Variants in PADI1 observed in about 807,000 individuals in gnomAD.
PADI1 encodes peptidyl arginine deiminase 1, also known as protein-arginine deiminase type-1.
A neutral mutation model predicts 74.8 loss-of-function variants in PADI1; 65 were observed. The observed-to-expected ratio is 0.87, with a 90% confidence interval of 0.71 to 1.07. The LOEUF (loss-of-function observed/expected upper bound fraction) is 1.07. Ranked by LOEUF, PADI1 falls within the 50% of genes least tolerant of loss-of-function variation. PADI1 has a pLI of 0.00. For synonymous variants in PADI1, 371 were observed against 336.2 expected, an observed-to-expected ratio of 1.10 and a Z score of -1.13; for missense variants, 943 against 854.0, an observed-to-expected ratio of 1.10 and a Z score of -1.30.
Position 17,237,478 on chromosome 1 carries a change from G to T in PADI1, c.1458+20G>T. 5 of 1,591,818 alleles carry T rather than the reference G, an allele frequency of 3.1e-6. No homozygotes were observed. The highest frequency in any genetic ancestry group is 4.3e-6 in the Non-Finnish European group (5 of 1,168,344). ...CAAAAGGTGCGTCCCCTCCTTCCCT[G>T]CCTGAGCCACCTCTGCCCTTGTCTG... On this transcript the variant is annotated intron_variant, in intron 12 of 15. Coordinates refer to ENST00000375471, the MANE Select transcript of PADI1 (RefSeq NM_013358.3).
At chr1:17,237,154 G>A (rs986690227) in intron 11 of PADI1, among the ~76,000 whole-genome samples, 160 bp from the exon 12 acceptor site, 1 of 152,246 alleles carries the variant, frequency 6.6e-6, no homozygotes, top group Non-Finnish European at 1.5e-5. Flanking sequence ...CAAATGCACA[G>A]TCCATTCTCT....
In PADI1 at chr1:17,237,416, T is replaced by A. The variant is rs537948319; in HGVS notation, c.1416T>A (p.His472Gln). Residue 472 changes from histidine to glutamine, a missense_variant, in exon 12 of 16, where the codon CAT becomes CAA. Coordinates refer to ENST00000375471, the MANE Select transcript of PADI1 (RefSeq NM_013358.3). ...ACTCGGACTGGCTCTCTGTGGGCCATGTGGACGAGTTTCTGACCTTTGTGC... is the reference window on the plus strand; with the variant it reads ...ACTCGGACTGGCTCTCTGTGGGCCAAGTGGACGAGTTTCTGACCTTTGTGC... ...ELYSDWLSVG[H>Q]VDEFLTFVPT... The A allele has an allele frequency of 8.1e-6, 13 of 1,613,560 alleles. No individual in the cohort carries two copies. In the South Asian group the frequency reaches 1.3e-4, roughly 16 times the overall value.
intron 12 of PADI1, 105 bp from the exon 13 acceptor site, chr1:17,238,511 G>A (rs1373052069): frequency 8.5e-6 from 4 of 471,954 alleles, no homozygotes; most frequent in Admixed American, 4.2e-5. Context: ...GAGTGGGAGA[G>A]GGGAGTCCCA....
chr1:17,232,777 C>A, intron 10 of PADI1, 42 bp from the exon 11 acceptor site: 1 of 1,582,086 alleles, frequency 6.3e-7, no homozygotes, highest in Non-Finnish European at 8.6e-7. Context: ...TCCTCACTGA[C>A]CTCTCCTTCT....
At chr1:17,206,396 G>A (rs1037312046) in intron 1 of PADI1, among the ~76,000 whole-genome samples, 8 of 152,092 alleles carry the variant, frequency 5.3e-5, no homozygotes, top group Admixed American at 1.3e-4. Flanking sequence ...TGGCAGGGCT[G>A]GGGAGGAAAA....
chr1:17,219,371 G>T (rs1396802637), intron 1 of PADI1, among the ~76,000 whole-genome samples: 1 of 152,172 alleles, frequency 6.6e-6, no homozygotes, highest in Non-Finnish European at 1.5e-5. Flanking sequence ...CTGAAGGTTT[G>T]GTTGCACTGG....
intron 15 of PADI1, among the ~76,000 whole-genome samples, chr1:17,241,457 TG>T: frequency 6.6e-6 from 1 of 152,066 alleles, no homozygotes; most frequent in African/African-American, 2.4e-5. Flanking sequence ...AGCCGAGGGT[TG>T]GAAGTGAATG....
Position 17,226,112 on chromosome 1 carries a change from C to G in PADI1, c.606C>G (p.Asn202Lys), listed in dbSNP as rs1319925876. 1 of 1,614,218 alleles carries G rather than the reference C, an allele frequency of 6.2e-7. No homozygotes were observed. Among genetic ancestry groups the G allele is most frequent in the Admixed American group, 1.7e-5 (1 of 60,022 alleles). The change falls in exon 6 of 16, where the codon AAC becomes AAG. Residue 202 changes from asparagine (N) to lysine (K), a missense_variant. Physicochemically the swap from Asn to Lys is moderately conservative, Grantham distance 94. Coordinates refer to ENST00000375471, the MANE Select transcript of PADI1 (RefSeq NM_013358.3). ...TCGACAGCCACAAGCTTGTCTTGAA[C>G]GTGCCCTTTTCTGATTCCAAAAGAG... Reference protein sequence around the residue: ...KLFDSHKLVLNVPFSDSKRVR... With the variant: ...KLFDSHKLVLKVPFSDSKRVR...
At chr1:17,227,008 G>GGTGAGTGAGT (rs2072334590) in intron 6 of PADI1, among the ~76,000 whole-genome samples, 4 of 151,526 alleles carry the variant, frequency 2.6e-5, no homozygotes, top group African/African-American at 9.7e-5. Context: ...CTCCAGCCTG[G>GGTGAGTGAGT]GCGACAGAGT....
Position 17,230,643 on chromosome 1 carries a change from C to T in PADI1, c.1125C>T (p.Asn375=), listed in dbSNP as rs781426993. ...CCGTGGTCTTTGACTCCCCCAGGAA[C>T]AGGGGCCTGAAAGATTTCCCCTATA... ...SFPVVFDSPR[N]RGLKDFPYKR... The change falls in exon 10 of 16, where the codon AAC becomes AAT. Residue 375 remains asparagine (N), a synonymous_variant. Coordinates refer to ENST00000375471, the MANE Select transcript of PADI1 (RefSeq NM_013358.3). 6 of 1,611,414 alleles carry T rather than the reference C, an allele frequency of 3.7e-6. No homozygotes were observed. The highest frequency in any genetic ancestry group is 3.3e-4 in the Middle Eastern group (2 of 6,080).
intron 1 of PADI1, among the ~76,000 whole-genome samples, chr1:17,216,877 A>G (rs1373521144): frequency 1.3e-5 from 2 of 152,134 alleles, no homozygotes; most frequent in Non-Finnish European, 1.5e-5. Context: ...CTCAAAAAAT[A>G]AAAAATAAAT....
chr1:17,240,448 C>T, intron 14 of PADI1, 187 bp from the exon 15 acceptor site: 1 of 577,134 alleles, frequency 1.7e-6, no homozygotes, highest in Non-Finnish European at 3.0e-6. Flanking sequence ...TAGCCTTGTG[C>T]ACTTGAGCAG....
At chr1:17,215,393 A>G (rs893696291) in intron 1 of PADI1, among the ~76,000 whole-genome samples, 18 of 130,144 alleles carry the variant, frequency 1.4e-4, no homozygotes, top group Non-Finnish European at 2.2e-4. Context: ...CATCATCATC[A>G]TCGTCATCAT....
chr1:17,243,847 A>G (rs778645034), intron 15 of PADI1, among the ~76,000 whole-genome samples, 163 bp from the exon 16 acceptor site: 1 of 152,074 alleles, frequency 6.6e-6, no homozygotes. Context: ...CTCTGCTTTC[A>G]TAGGCCCTAA....
intron 8 of PADI1, 130 bp from the exon 9 acceptor site, chr1:17,229,955 C>A (rs2072439705): frequency 2.5e-6 from 2 of 790,918 alleles, no homozygotes; most frequent in Non-Finnish European, 4.1e-6. Flanking sequence ...GCCTATGAGC[C>A]TCTCAAGGTC....
chr1:17,239,506 C>A, intron 13 of PADI1, 198 bp from the exon 14 acceptor site: 1 of 551,062 alleles, frequency 1.8e-6, no homozygotes, highest in East Asian at 3.0e-5. Flanking sequence ...TGAGGGGTTC[C>A]TTATCCATCA....
At chr1:17,222,002 G>A (rs1210212816) in intron 1 of PADI1, among the ~76,000 whole-genome samples, 1 of 152,262 alleles carries the variant, frequency 6.6e-6, no homozygotes, top group Non-Finnish European at 1.5e-5. Context: ...GATGTCAGTG[G>A]AGGTGGTGAG....
intron 6 of PADI1, 78 bp from the exon 7 acceptor site, chr1:17,228,547 G>A: frequency 6.7e-7 from 1 of 1,497,456 alleles, no homozygotes; most frequent in Non-Finnish European, 9.3e-7. Context: ...ACCACAAAGG[G>A]GGCTCTGTCC....
At chr1:17,207,058 C>T (rs2071704609) in intron 1 of PADI1, among the ~76,000 whole-genome samples, 1 of 152,134 alleles carries the variant, frequency 6.6e-6, no homozygotes, top group Admixed American at 6.5e-5. Flanking sequence ...GAAAAGGGTC[C>T]CTTGCAGGCC....
Sources: allele counts gnomAD v4.1 joint callset (sites outside exome capture counted in the v4.1 genomes callset), GRCh38; gene constraint gnomAD v4.1.1; transcripts MANE v1.5; gene names NCBI Gene and HGNC (gene_info 2026-07-23, HGNC 2026-07-21).